Variants in ZNF713 observed in about 807,000 individuals in gnomAD.
The protein encoded by ZNF713 is zinc finger protein 713.
In ZNF713, 21 loss-of-function variants were observed where a neutral mutation model predicts 28.7. That is an observed-to-expected ratio of 0.73 (90% confidence interval 0.52 to 1.05). The LOEUF is 1.05. Ranked by LOEUF, ZNF713 falls within the 50% of genes least tolerant of loss-of-function variation. The pLI is 0.00. For missense variants in ZNF713, 458 were observed against 532.4 expected, an observed-to-expected ratio of 0.86 and a Z score of 1.37; for synonymous variants, 167 against 178.0, an observed-to-expected ratio of 0.94 and a Z score of 0.49.
intron 1 of ZNF713, among the ~76,000 whole-genome samples, chr7:55,890,115 A>G (rs548102359): frequency 6.6e-6 from 1 of 152,206 alleles, no homozygotes; most frequent in South Asian, 2.1e-4. Context: ...TGAGGACACT[A>G]CTGCTATTGG....
chr7:55,911,160 T>C (rs1247595223), intron 2 of ZNF713, among the ~76,000 whole-genome samples: 2 of 152,172 alleles, frequency 1.3e-5, no homozygotes, highest in Non-Finnish European at 2.9e-5. Context: ...TTTTAAAAAA[T>C]TGCTCCTCAG....
At chr7:55,899,356 CAAAAAAA>C (rs71015114) in intron 1 of ZNF713, among the ~76,000 whole-genome samples, 23,279 of 68,586 alleles carry the variant, frequency 0.34, 2,981 homozygotes, top group East Asian at 0.61. Flanking sequence ...GATTCCATCT[CAAAAAAA>C]AAAAAAAAAA....
intron 2 of ZNF713, among the ~76,000 whole-genome samples, chr7:55,908,135 G>GTTTTTTTTTTTTTTT (rs71015120): frequency 3.7e-5 from 2 of 54,658 alleles, no homozygotes; most frequent in Non-Finnish European, 7.0e-5. Context: ...ATCCGTTGTT[G>GTTTTTTTTTTTTTTT]TTTTTTTTTT....
At chr7:55,893,612 G>A (rs1457988459) in intron 1 of ZNF713, among the ~76,000 whole-genome samples, 1 of 151,950 alleles carries the variant, frequency 6.6e-6, no homozygotes, top group Non-Finnish European at 1.5e-5. Flanking sequence ...ACTGAGTTTT[G>A]CTGGTTGCCA....
chr7:55,892,106 C>T (rs1785390646), intron 1 of ZNF713, among the ~76,000 whole-genome samples: 1 of 151,674 alleles, frequency 6.6e-6, no homozygotes, highest in Non-Finnish European at 1.5e-5. Context: ...AGTGAAACCC[C>T]GTCTCTACTA....
chr7:55,894,808 A>G (rs1188252398), intron 1 of ZNF713, among the ~76,000 whole-genome samples: 2 of 152,254 alleles, frequency 1.3e-5, no homozygotes, highest in African/African-American at 4.8e-5. Context: ...GAATCTATTA[A>G]GAAAATGAAT....
At chr7:55,923,421 A>T in intron 5 of ZNF713, 133 bp downstream of exon 5, 1 of 1,303,376 alleles carries the variant, frequency 7.7e-7, no homozygotes, top group Admixed American at 2.4e-5. Flanking sequence ...TTGGAGTCAA[A>T]GACCTTTGTT....
intron 2 of ZNF713, among the ~76,000 whole-genome samples, chr7:55,907,950 AATTT>A (rs1251614667): frequency 6.6e-6 from 1 of 151,852 alleles, no homozygotes; most frequent in Non-Finnish European, 1.5e-5. Context: ...TATATATAAT[AATTT>A]ATTTATCTCT....
At chr7:55,895,704 G>T (rs1212985716) in intron 1 of ZNF713, among the ~76,000 whole-genome samples, 1 of 151,970 alleles carries the variant, frequency 6.6e-6, no homozygotes, top group Non-Finnish European at 1.5e-5. Context: ...CCGACCTCAG[G>T]CAATCTGCCC....
intron 5 of ZNF713, 153 bp from the exon 6 acceptor site, chr7:55,923,454 G>A: frequency 9.2e-7 from 1 of 1,086,686 alleles, no homozygotes; most frequent in Non-Finnish European, 1.3e-6. Flanking sequence ...TCCTCCAATG[G>A]AATGTCTTGA....
At position 55,912,834 on chromosome 7, in the gene ZNF713, T is replaced by G. The variant is rs117873186; in HGVS notation, c.87+111T>G. ...TCACAAAAATCCAGAGCCCAGGAGA[T>G]TCATGTGACAGATGATATACTCTCC... On this transcript the variant is annotated intron_variant, in intron 4 of 6. Coordinates refer to ENST00000429591, the MANE Select transcript of ZNF713 (RefSeq NM_182633.3). 3,822 of 797,876 alleles carry G rather than the reference T, an allele frequency of 4.8e-3. 19 individuals are homozygous for G. Among genetic ancestry groups the G allele is most frequent in the Non-Finnish European group, 6.2e-3 (2,942 of 476,024 alleles). The allele number at this position is 797,876 out of a possible 1,614,324, so 49.4% of individuals were successfully genotyped here. A position where few individuals can be genotyped will look rare whatever the true frequency, so the allele number is the denominator to read the frequency against.
chr7:55,903,497 C>A (rs187956442), intron 1 of ZNF713, among the ~76,000 whole-genome samples: 119 of 152,010 alleles, frequency 7.8e-4, no homozygotes, highest in Non-Finnish European at 1.2e-3. Flanking sequence ...TGGTGAAACC[C>A]CATCTCTGCT....
chr7:55,887,826 G>A, intron 1 of ZNF713, 146 bp downstream of exon 1: 1 of 9,646 alleles, frequency 1.0e-4, no homozygotes, highest in South Asian at 4.1e-3. Flanking sequence ...GCGGGCGGCG[G>A]GCGGCGGGCG....
chr7:55,917,664 C>T (rs10245740), intron 4 of ZNF713, among the ~76,000 whole-genome samples: 66,644 of 150,226 alleles, frequency 0.44, 15,076 homozygotes, highest in East Asian at 0.58. Flanking sequence ...ATGTTTGCAC[C>T]ACTGCACTCC....
At chr7:55,922,311 C>T (rs1017831639) in intron 4 of ZNF713, among the ~76,000 whole-genome samples, 3 of 152,024 alleles carry the variant, frequency 2.0e-5, no homozygotes, top group South Asian at 4.2e-4. Context: ...GAGGCTGAGG[C>T]GGGCAGATCA....
Sources: gnomAD v4.1 joint callset for allele counts (sites outside exome capture counted in the v4.1 genomes callset) on GRCh38, gnomAD v4.1.1 for gene constraint, MANE v1.5 for transcripts, NCBI Gene and HGNC (gene_info 2026-07-23, HGNC 2026-07-21) for gene names.